MTFR1: variants seen among roughly 807,000 people sequenced by gnomAD.
MTFR1 encodes mitochondrial fission regulator 1, also known as chondrocyte protein with a poly-proline region.
Under a neutral mutation model 38.8 loss-of-function variants are expected in MTFR1, and 28 were observed. The observed-to-expected ratio is 0.72, with a 90% confidence interval of 0.53 to 0.99. The LOEUF (loss-of-function observed/expected upper bound fraction) is 0.99. Ranked by LOEUF, MTFR1 falls within the 50% of genes least tolerant of loss-of-function variation. The probability of loss-of-function intolerance (pLI) is 0.00; values close to 1 mark genes in which losing one functional copy is unlikely to be tolerated. For missense variants in MTFR1, 358 were observed against 395.5 expected, an observed-to-expected ratio of 0.91 and a Z score of 0.81; for synonymous variants, 145 against 137.0, an observed-to-expected ratio of 1.06 and a Z score of -0.41.
rs768872348 is a variant in MTFR1 at position 65,704,900 on chromosome 8, C to T, written c.488C>T (p.Thr163Ile). Residue 163 changes from threonine to isoleucine, a missense_variant, in exon 5 of 8, where the codon ACC (threonine) becomes ATC (isoleucine). By Grantham distance (89) the Thr-to-Ile change is moderately conservative (BLOSUM62 -1). Transcript: ENST00000262146. ...AGAGCTCAGATTGCCAAAATTGTGA[C>T]CCAGCAGGAGCAGCAAAATCTCACT... ...ALRAQIAKIV[T>I]QQEQQNLTAG... 6.2e-7 allele frequency: 1 copy of T among 1,602,416 alleles called. No homozygotes were observed. The highest frequency in any genetic ancestry group is 1.3e-5 in the African/African-American group (1 of 74,764).
intron 1 of MTFR1, among the ~76,000 whole-genome samples, chr8:65,659,080 C>T (rs573330334): frequency 6.6e-6 from 1 of 152,230 alleles, no homozygotes; most frequent in South Asian, 2.1e-4. Flanking sequence ...TATAGACAAA[C>T]AAGTACCAGA....
chr8:65,721,514 T>C (rs577441002), intron 3 of MTFR1, among the ~76,000 whole-genome samples: 6 of 152,280 alleles, frequency 3.9e-5, no homozygotes, highest in Admixed American at 2.6e-4. Context: ...CTAGGGTTGT[T>C]GTGTGGAGTC....
chr8:65,708,104 T>G, intron 7 of MTFR1, 93 bp downstream of exon 7: 10 of 1,602,642 alleles, frequency 6.2e-6, no homozygotes, highest in Non-Finnish European at 8.5e-6. Context: ...CTGTGTCATC[T>G]GTAAGTTCCA....
At chr8:65,737,122 A>G (rs1209952936) in intron 3 of MTFR1, among the ~76,000 whole-genome samples, 1 of 151,974 alleles carries the variant, frequency 6.6e-6, no homozygotes, top group Non-Finnish European at 1.5e-5. Context: ...AAACAAACTA[A>G]CTAAAAACAC....
At chr8:65,650,309 T>C (rs542194437) in intron 1 of MTFR1, among the ~76,000 whole-genome samples, 1 of 151,196 alleles carries the variant, frequency 6.6e-6, no homozygotes, top group South Asian at 2.1e-4. Context: ...GTAGCTGGGA[T>C]TACAGGCGCC....
chr8:65,752,671 T>C (rs557703865), intron 3 of MTFR1, among the ~76,000 whole-genome samples: 2 of 152,208 alleles, frequency 1.3e-5, no homozygotes. Context: ...GTTCTTTCAA[T>C]ATACAAATTT....
At chr8:65,700,349 T>TAAA (rs551471575) in intron 4 of MTFR1, among the ~76,000 whole-genome samples, 2 of 106,798 alleles carry the variant, frequency 1.9e-5, no homozygotes, top group African/African-American at 3.5e-5. Context: ...AGACCTATCT[T>TAAA]AAAAAAAAAA....
chr8:65,745,681 GT>G (rs1297069648), intron 3 of MTFR1, among the ~76,000 whole-genome samples: 1 of 152,134 alleles, frequency 6.6e-6, no homozygotes, highest in Non-Finnish European at 1.5e-5. Flanking sequence ...ACATTATTTT[GT>G]TTTTCAATTA....
intron 1 of MTFR1, among the ~76,000 whole-genome samples, chr8:65,650,433 A>C (rs1809090931): frequency 1.3e-5 from 2 of 152,138 alleles, no homozygotes; most frequent in South Asian, 4.1e-4. Context: ...TGGCCTCCCA[A>C]AGTGCTGGGA....
chr8:65,769,059 C>A (rs1455177709), intron 3 of MTFR1, among the ~76,000 whole-genome samples: 2 of 151,862 alleles, frequency 1.3e-5, no homozygotes, highest in Non-Finnish European at 2.9e-5. Flanking sequence ...ACCAGCCTGG[C>A]CAACATGGTG....
chr8:65,765,322 T>A (rs1808717675), intron 3 of MTFR1, among the ~76,000 whole-genome samples: 1 of 150,290 alleles, frequency 6.7e-6, no homozygotes, highest in Admixed American at 6.6e-5. Context: ...ACCCCGTCTC[T>A]ACTAAAAATA....
rs185455234 is a variant in MTFR1, at chr8:65,731,949, C to G, written c.*48+12468C>G. On this transcript the variant is annotated intron_variant, in intron 3 of 3. Transcript: ENST00000521247. ...TCTAAAGTTGTAAAACTCTTGCCAT[C>G]CACCTGGTCATTCTCTATATTATTA... Among the ~76,000 whole-genome samples, 90 of 152,120 alleles carry G rather than the reference C, an allele frequency of 5.9e-4. 1 individual carries two copies. Among genetic ancestry groups the G allele is most frequent in the Admixed American group, 3.3e-3 (50 of 15,256 alleles).
intron 7 of MTFR1, among the ~76,000 whole-genome samples, chr8:65,708,689 C>A (rs1805856481): frequency 6.6e-6 from 1 of 152,186 alleles, no homozygotes; most frequent in African/African-American, 2.4e-5. Flanking sequence ...TTTGTACTTT[C>A]TCTCTTTACT....
Position 65,770,537 on chromosome 8 carries a change from T to C in MTFR1, c.*49-410T>C, listed in dbSNP as rs565923504. 2.1e-4 allele frequency among the ~76,000 whole-genome samples: 32 copies of C among 152,342 alleles called. 1 individual carries two copies. The highest frequency in any genetic ancestry group is 1.5e-5 in the Non-Finnish European group (1 of 68,024). On this transcript the variant is annotated intron_variant, in intron 3 of 3. Transcript: ENST00000521247. Reference sequence around the variant, plus strand: ...CCCCTCCCAGAACACATGGGAATTATGGAAGCTACAATTCAAGATGAGATT... The same window carrying C: ...CCCCTCCCAGAACACATGGGAATTACGGAAGCTACAATTCAAGATGAGATT...
At chr8:65,682,155 A>T in intron 2 of MTFR1, 198 bp from the exon 3 acceptor site, 1 of 254,560 alleles carries the variant, frequency 3.9e-6, no homozygotes, top group African/African-American at 2.2e-5. Flanking sequence ...TTATTGAATT[A>T]ATAATATCTA....
chr8:65,653,707 T>C (rs554537109), intron 1 of MTFR1, among the ~76,000 whole-genome samples: 1 of 152,302 alleles, frequency 6.6e-6, no homozygotes, highest in African/African-American at 2.4e-5. Context: ...ATTAGAATAA[T>C]TTTTATGTTT....
intron 3 of MTFR1, chr8:65,728,520 G>A (rs943487860): frequency 2.0e-5 from 3 of 152,124 alleles, no homozygotes; most frequent in Non-Finnish European, 2.9e-5. Context: ...CACGGAGAAG[G>A]TCAATGAATA....
intron 2 of MTFR1, among the ~76,000 whole-genome samples, chr8:65,671,531 C>T (rs1218973756): frequency 1.4e-5 from 2 of 144,924 alleles, no homozygotes; most frequent in Non-Finnish European, 3.0e-5. Context: ...TAGAGCAAGA[C>T]CCTATCTTTA....
chr8:65,739,387 A>T (rs1807301030), intron 3 of MTFR1: 3 of 1,187,746 alleles, frequency 2.5e-6, no homozygotes, highest in Non-Finnish European at 3.3e-6. Context: ...TTAAGCCACT[A>T]ATTTTGGCTG....
Sources: gnomAD v4.1 joint callset for allele counts (sites outside exome capture counted in the v4.1 genomes callset) on GRCh38, gnomAD v4.1.1 for gene constraint, MANE v1.5 for transcripts, NCBI Gene and HGNC (gene_info 2026-07-23, HGNC 2026-07-21) for gene names.